KYNU: variants seen among roughly 807,000 people sequenced by gnomAD.
The protein encoded by KYNU is L-kynurenine hydrolase.
Under a neutral mutation model 59.2 loss-of-function variants are expected in KYNU, and 54 were observed. The ratio of observed to expected loss-of-function variants is 0.91; its 90% CI spans 0.73 to 1.14. KYNU has a LOEUF of 1.14. Among genes scored for constraint, KYNU ranks in the 50% most tolerant of loss-of-function variants. KYNU has a pLI of 0.00. For synonymous variants in KYNU, 177 were observed against 192.0 expected (o/e 0.92, Z 0.65); for missense variants, 567 against 554.4 (o/e 1.02, Z -0.23).
At chr2:142,908,470 G>A (rs1358274697) in intron 2 of KYNU, among the ~76,000 whole-genome samples, 1 of 146,022 alleles carries the variant, frequency 6.8e-6, no homozygotes, top group Non-Finnish European at 1.5e-5. Flanking sequence ...TCTGAAGTGA[G>A]TTCATATAAG....
At chr2:143,023,929 A>G (rs1375766821) in intron 10 of KYNU, among the ~76,000 whole-genome samples, 4 of 151,950 alleles carry the variant, frequency 2.6e-5, no homozygotes, top group Non-Finnish European at 4.4e-5. Context: ...ATAAATATCA[A>G]TAGGTTTAAT....
intron 8 of KYNU, among the ~76,000 whole-genome samples, chr2:142,966,854 A>T (rs920705562): frequency 1.3e-5 from 2 of 152,152 alleles, no homozygotes; most frequent in African/African-American, 4.8e-5. Context: ...GTTAAGAAAA[A>T]AAATTGGACT....
rs1374699481 is a variant in KYNU, at chr2:143,047,472, T to G, written c.*5300T>G. 6.6e-6 allele frequency: 1 copy of G among 152,174 alleles called. No individual in the cohort carries two copies. The highest frequency in any genetic ancestry group is 1.5e-5 in the Non-Finnish European group (1 of 68,032). 9.4% of individuals were successfully genotyped at this position (152,174 alleles called of 1,614,324 possible). On this transcript the variant is annotated 3_prime_UTR_variant, in exon 14 of 14. Transcript: ENST00000264170. ...TCTATTTTTAATATGGGAAATTTTA[T>G]GCAAATGAGCACATTTTTCTCCCTT...
intron 8 of KYNU, among the ~76,000 whole-genome samples, chr2:142,974,512 A>C (rs908028060): frequency 1.3e-5 from 2 of 152,102 alleles, no homozygotes; most frequent in Non-Finnish European, 2.9e-5. Flanking sequence ...TTTTCCTTTC[A>C]CACCACTGAA....
intron 2 of KYNU, among the ~76,000 whole-genome samples, chr2:142,916,783 C>G (rs1468083110): frequency 1.3e-5 from 2 of 152,150 alleles, no homozygotes; most frequent in African/African-American, 2.4e-5. Context: ...AGTTGGAAAA[C>G]AATACCTACA....
intron 10 of KYNU, among the ~76,000 whole-genome samples, chr2:142,998,497 T>A (rs1685610745): frequency 6.6e-6 from 1 of 152,198 alleles, no homozygotes; most frequent in African/African-American, 2.4e-5. Flanking sequence ...AATAATCATT[T>A]CTTTATTTGC....
intron 12 of KYNU, among the ~76,000 whole-genome samples, chr2:143,033,925 A>G (rs1686825423): frequency 6.6e-6 from 1 of 152,158 alleles, no homozygotes; most frequent in Non-Finnish European, 1.5e-5. Flanking sequence ...CTTCTATGCC[A>G]TTATGTCCAT....
intron 8 of KYNU, among the ~76,000 whole-genome samples, chr2:142,980,487 C>G (rs1685020581): frequency 6.6e-6 from 1 of 152,132 alleles, no homozygotes; most frequent in African/African-American, 2.4e-5. Flanking sequence ...TGGAGTTGCT[C>G]TGATTCAAAC....
At chr2:142,992,365 C>G (rs554481831) in intron 10 of KYNU, among the ~76,000 whole-genome samples, 1 of 151,686 alleles carries the variant, frequency 6.6e-6, no homozygotes, top group African/African-American at 2.4e-5. Context: ...ATTTTGCTAC[C>G]ATATCATTTT....
chr2:142,926,598 T>G lies in KYNU; in HGVS notation c.291-1061T>G, dbSNP rs1026941566. Among the ~76,000 whole-genome samples the G allele has an allele frequency of 2.0e-5, 3 of 152,170 alleles. No homozygotes were observed. In the East Asian group the frequency reaches 5.8e-4, roughly 29 times the overall value. On this transcript the variant is annotated intron_variant, in intron 3 of 13. Coordinates refer to ENST00000264170, the MANE Select transcript of KYNU (RefSeq NM_003937.3). ...TCTCATGTAGAGGAAGAGTTCCAGT[T>G]GCGGAGATGCAGTGAGTAATCACAC...
intron 10 of KYNU, among the ~76,000 whole-genome samples, chr2:143,024,729 G>A (rs1238638758): frequency 6.6e-6 from 1 of 152,012 alleles, no homozygotes; most frequent in East Asian, 1.9e-4. Flanking sequence ...ACCATTCTGA[G>A]TTAATCGCTC....
chr2:142,889,446 T>C (rs1417495049), intron 2 of KYNU, among the ~76,000 whole-genome samples: 1 of 152,112 alleles, frequency 6.6e-6, no homozygotes, highest in Non-Finnish European at 1.5e-5. Flanking sequence ...GTGCGTGAGC[T>C]TTCTAGGTTT....
At chr2:142,883,802 T>G (rs1465377497) in intron 1 of KYNU, among the ~76,000 whole-genome samples, 4 of 152,218 alleles carry the variant, frequency 2.6e-5, no homozygotes, top group Admixed American at 2.6e-4. Context: ...AACTACATTG[T>G]TTTTCTATTC....
At chr2:142,968,215 C>A (rs1043817577) in intron 8 of KYNU, among the ~76,000 whole-genome samples, 14 of 152,148 alleles carry the variant, frequency 9.2e-5, no homozygotes, top group African/African-American at 3.4e-4. Context: ...CAAATAGAAA[C>A]ACCTAACTTA....
At chr2:142,888,375 C>G (rs1681587655) in intron 2 of KYNU, among the ~76,000 whole-genome samples, 1 of 152,130 alleles carries the variant, frequency 6.6e-6, no homozygotes, top group South Asian at 2.1e-4. Context: ...GGAGGATCAC[C>G]TAAGCCCAGT....
In KYNU at chr2:142,898,714, GAT is replaced by G. The variant is rs914175954; in HGVS notation, c.169+13179_169+13180del. ...GGGTCTTTGTTCTTAGAGCTCCCAA[GAT>G]GGGGCGGGCCGCTCCCAAGATGGCA... On this transcript the variant is annotated intron_variant, in intron 2 of 13. Transcript: ENST00000264170. Among the ~76,000 whole-genome samples the G allele has an allele frequency of 1.1e-3, 166 of 152,306 alleles. 2 individuals carry two copies. The highest frequency in any genetic ancestry group is 3.7e-3 in the African/African-American group (155 of 41,554).
In KYNU at chr2:142,979,251, A is replaced by G. The variant is rs114312553; in HGVS notation, c.730-5833A>G. Among the ~76,000 whole-genome samples, 1,177 of 152,342 alleles carry G rather than the reference A, an allele frequency of 7.7e-3. 8 individuals carry two copies. Among genetic ancestry groups the G allele is most frequent in the African/African-American group, 0.027 (1,124 of 41,586 alleles). ...GATGTCATTTCTGAATAAAGAGCAC[A>G]TGCAATAAAATTGCATCAGAAACAG... On this transcript the variant is annotated intron_variant, in intron 8 of 13. Coordinates refer to ENST00000264170, the MANE Select transcript of KYNU (RefSeq NM_003937.3).
intron 4 of KYNU, among the ~76,000 whole-genome samples, chr2:142,942,408 A>G (rs1306494317): frequency 6.6e-6 from 1 of 152,164 alleles, no homozygotes; most frequent in Non-Finnish European, 1.5e-5. Flanking sequence ...TTCTTCCTCA[A>G]ATAGTTTTGT....
intron 1 of KYNU, among the ~76,000 whole-genome samples, chr2:142,881,783 C>G (rs1442411281): frequency 1.3e-5 from 2 of 152,000 alleles, no homozygotes; most frequent in African/African-American, 4.8e-5. Flanking sequence ...TGCTCTGTTG[C>G]CCAGGATGGA....
Sources: allele counts gnomAD v4.1 joint callset (sites outside exome capture counted in the v4.1 genomes callset), GRCh38; gene constraint gnomAD v4.1.1; transcripts MANE v1.5; gene names NCBI Gene and HGNC (gene_info 2026-07-23, HGNC 2026-07-21).